The following CFAP46 variants were observed in gnomAD, a reference collection of about 807,000 sequenced individuals.
CFAP46 encodes the protein cilia and flagella associated protein 46, also known as cilia- and flagella-associated protein 46.
In CFAP46, 245 loss-of-function variants were observed where a neutral mutation model predicts 325.7. That is an observed-to-expected ratio of 0.75 (90% CI 0.68 to 0.84). The LOEUF (loss-of-function observed/expected upper bound fraction) is 0.84. Ranked by LOEUF, CFAP46 falls within the 40% of genes least tolerant of loss-of-function variation. The pLI is 0.00. For missense variants in CFAP46, 3,346 were observed against 3,543.0 expected (o/e 0.94, Z 1.41); for synonymous variants, 1,523 against 1,495.9 (o/e 1.02, Z -0.42).
At chr10:132,838,939 G>T (rs910884461) in intron 44 of CFAP46, among the ~76,000 whole-genome samples, 8 of 152,200 alleles carry the variant, frequency 5.3e-5, no homozygotes, top group African/African-American at 1.7e-4. Context: ...GGTTATCTGC[G>T]TCAGGCTTCA....
At position 132,850,559 on chromosome 10, in the gene CFAP46, C is replaced by T. The variant is rs1848521243; in HGVS notation, c.5764-127G>A. Reference sequence around the variant, plus strand: ...GAACACTGGGGAGCTCTGAGAAAGCCTTGCCCCGCAGGGAGGGTCTCCAGG... The same window carrying T: ...GAACACTGGGGAGCTCTGAGAAAGCTTTGCCCCGCAGGGAGGGTCTCCAGG... On this transcript the variant is annotated intron_variant, in intron 40 of 57. Coordinates refer to ENST00000368586, the MANE Select transcript of CFAP46 (RefSeq NM_001200049.3). 1.5e-5 allele frequency: 14 copies of T among 943,820 alleles called. No individual in the cohort carries two copies. The South Asian group carries it at 2.5e-4, about 17-fold the overall frequency. 58.5% of individuals were successfully genotyped at this position (943,820 alleles called of 1,614,324 possible).
chr10:132,815,877 G>C (rs574368663), intron 50 of CFAP46, among the ~76,000 whole-genome samples: 1 of 152,304 alleles, frequency 6.6e-6, no homozygotes, highest in South Asian at 2.1e-4. Flanking sequence ...AGTCTGGGAG[G>C]AGGTAGGCTG....
intron 22 of CFAP46, 154 bp downstream of exon 22, chr10:132,908,314 C>A (rs944676267): frequency 2.3e-6 from 2 of 885,414 alleles, no homozygotes; most frequent in Non-Finnish European, 3.4e-6. Context: ...CGCTCACACG[C>A]GCCCTGATCT....
rs932499585 is a variant in CFAP46 at position 132,919,275 on chromosome 10, G to A, written c.1858+40C>T. On this transcript the variant is annotated intron_variant, in intron 15 of 57. Coordinates refer to ENST00000368586, the MANE Select transcript of CFAP46 (RefSeq NM_001200049.3). The surrounding 1 kb of genome is among the most constrained non-coding windows in gnomAD (Gnocchi z 9.7). ...CCCTTCCCACACCCAGAGGGCGGCC[G>A]TGGCCAGGCTGGGACACACTCGTGA... The A allele has an allele frequency of 2.6e-5, 40 of 1,527,114 alleles. No individual in the cohort carries two copies. The highest frequency in any genetic ancestry group is 1.8e-4 in the Middle Eastern group (1 of 5,462). The allele number at this position is 1,527,114 out of a possible 1,614,324, so 94.6% of individuals were successfully genotyped here.
Position 132,913,050 on chromosome 10 carries a change from T to C in CFAP46, c.2329A>G (p.Ser777Gly). Residue 777 changes from serine (S) to glycine (G), a missense_variant, in exon 18 of 58, where the codon AGT becomes GGT. Transcript: ENST00000368586. Reference protein sequence around the residue: ...LLSIVKATGHSGDPVMLVTLC... With the variant: ...LLSIVKATGHGGDPVMLVTLC... The stretch of plus-strand genomic sequence containing the variant: ...CGCAGCACAGCCCACACGCACCCAC[T>C]GTGGCCTGTGGCCTTAACGATGCTC... The C allele has an allele frequency of 6.5e-7, 1 of 1,549,772 alleles. No individual in the cohort carries two copies. Among genetic ancestry groups the C allele is most frequent in the Non-Finnish European group, 8.7e-7 (1 of 1,146,856 alleles).
chr10:132,898,816 C>G lies in CFAP46; in HGVS notation c.3219+143G>C, dbSNP rs150343597. On this transcript the variant is annotated intron_variant, in intron 24 of 57. Coordinates refer to ENST00000368586, the MANE Select transcript of CFAP46 (RefSeq NM_001200049.3). The stretch of plus-strand genomic sequence containing the variant: ...CTGGGACTTGGAGACCCCCCTTAAC[C>G]CCCTCCCCTCCTCGGCTGGTGCTGG... 1.4e-3 allele frequency: 1,651 copies of G among 1,172,570 alleles called. 26 individuals are homozygous for G. In the African/African-American group the frequency reaches 0.021, roughly 15 times the overall value. 72.6% of individuals were successfully genotyped at this position (1,172,570 alleles called of 1,614,324 possible). A position where few individuals can be genotyped will look rare whatever the true frequency, so the allele number is the denominator to read the frequency against.
intron 57 of CFAP46, among the ~76,000 whole-genome samples, chr10:132,809,997 G>C (rs541385451): frequency 1.3e-5 from 2 of 152,350 alleles, no homozygotes; most frequent in East Asian, 3.9e-4. Flanking sequence ...TGTGGTGCAA[G>C]CTGTCGGCCC....
At chr10:132,874,917 G>A (rs550110655) in intron 31 of CFAP46, among the ~76,000 whole-genome samples, 3 of 152,234 alleles carry the variant, frequency 2.0e-5, no homozygotes, top group Non-Finnish European at 4.4e-5. Flanking sequence ...GTCCTTGCCA[G>A]AATATAAGGC....
chr10:132,898,811 T>A, intron 24 of CFAP46, 148 bp downstream of exon 24: 2 of 1,135,440 alleles, frequency 1.8e-6, no homozygotes, highest in Non-Finnish European at 2.6e-6. Flanking sequence ...GAGACCCCCC[T>A]TAACCCCCTC....
intron 55 of CFAP46, among the ~76,000 whole-genome samples, chr10:132,812,545 A>AG (rs1400643486): frequency 6.6e-6 from 1 of 151,452 alleles, no homozygotes; most frequent in Non-Finnish European, 1.5e-5. Context: ...GAAGGGCGGG[A>AG]GGGCCAGAAG....
rs775162009 is a variant in CFAP46, at chr10:132,866,057, G to A, written c.4858C>T (p.Leu1620=). The change falls in exon 35 of 58, where the codon CTG becomes TTG. Residue 1620 remains leucine (L), a synonymous_variant. Coordinates refer to ENST00000368586, the MANE Select transcript of CFAP46 (RefSeq NM_001200049.3). ...LEMNLYQPAR[L]LLSEAYLAFQ... Reference sequence around the variant, plus strand: ...GCCAGGTAAGCCTCCGACAGGAGCAGCCGTGCAGGCTGGTACAGGTTCATC... The same window carrying A: ...GCCAGGTAAGCCTCCGACAGGAGCAACCGTGCAGGCTGGTACAGGTTCATC... 6.5e-7 allele frequency: 1 copy of A among 1,534,478 alleles called. No individual in the cohort carries two copies. Among genetic ancestry groups the A allele is most frequent in the South Asian group, 1.2e-5 (1 of 81,422 alleles).
In CFAP46 at chr10:132,941,618, C is replaced by T. The variant is rs1277310598; in HGVS notation, c.279G>A (p.Met93Ile). ...GGTTTTCTGCCGACTTCGGGGCACA[C>T]ATCTGGGCCCTGCACAGGTGCGCTC... ...LGRAHLCRAQ[M>I]CAPKSAENLE... The change falls in exon 3 of 58, where the codon ATG becomes ATA. Residue 93 changes from methionine to isoleucine, a missense_variant. Met to Ile is a conservative substitution (Grantham distance 10). Coordinates refer to ENST00000368586, the MANE Select transcript of CFAP46 (RefSeq NM_001200049.3). 6 of 1,613,850 alleles carry T rather than the reference C, an allele frequency of 3.7e-6. No individual in the cohort carries two copies. The highest frequency in any genetic ancestry group is 1.7e-5 in the Admixed American group (1 of 59,992).
intron 33 of CFAP46, among the ~76,000 whole-genome samples, chr10:132,868,597 A>G (rs192563200): frequency 6.6e-6 from 1 of 152,356 alleles, no homozygotes; most frequent in East Asian, 1.9e-4. Flanking sequence ...GTCTGTTTCA[A>G]TGTAACGGCG....
chr10:132,941,829 C>A, intron 2 of CFAP46, 107 bp from the exon 3 acceptor site: 1 of 1,552,722 alleles, frequency 6.4e-7, no homozygotes. Flanking sequence ...ACAGGTGGAG[C>A]CTGTTTCCAG....
intron 56 of CFAP46, 39 bp from the exon 57 acceptor site, chr10:132,810,528 C>G (rs748697193): frequency 1.6e-5 from 26 of 1,589,054 alleles, no homozygotes; most frequent in Non-Finnish European, 2.2e-5. Flanking sequence ...CATGGACACC[C>G]TGGCAGCCTT....
In CFAP46 at chr10:132,816,433, A is replaced by G. The variant is rs191155508; in HGVS notation, c.7118-1519T>C. On this transcript the variant is annotated intron_variant, in intron 50 of 57. Transcript: ENST00000368586. ...TGCAAGCTCCACCTCCCGGGTTCACACCATTCTCCTGCCTCAGCCTCCCGA... is the reference window on the plus strand; with the variant it reads ...TGCAAGCTCCACCTCCCGGGTTCACGCCATTCTCCTGCCTCAGCCTCCCGA... Among the ~76,000 whole-genome samples the G allele has an allele frequency of 2.7e-3, 390 of 144,608 alleles. 5 individuals carry two copies. The East Asian group carries it at 0.063, about 23-fold the overall frequency. 94.9% of individuals were successfully genotyped at this position (144,608 alleles called of 152,430 possible).
intron 39 of CFAP46, among the ~76,000 whole-genome samples, chr10:132,853,792 T>C (rs1848597776): frequency 6.6e-6 from 1 of 152,212 alleles, no homozygotes; most frequent in Non-Finnish European, 1.5e-5. Flanking sequence ...GGCAGACATA[T>C]TAGCATAAAG....
At chr10:132,873,840 T>C (rs575751089) in intron 31 of CFAP46, among the ~76,000 whole-genome samples, 1 of 152,082 alleles carries the variant, frequency 6.6e-6, no homozygotes, top group Admixed American at 6.5e-5. Flanking sequence ...CATTAAAAGG[T>C]AATACAAGGA....
intron 28 of CFAP46, 116 bp from the exon 29 acceptor site, chr10:132,879,747 C>T (rs1020827642): frequency 2.8e-5 from 29 of 1,045,244 alleles, no homozygotes; most frequent in South Asian, 5.5e-5. Context: ...CGCGGACACC[C>T]GGTGCTCCAC....
Sources: allele counts gnomAD v4.1 joint callset (sites outside exome capture counted in the v4.1 genomes callset), GRCh38; gene constraint gnomAD v4.1.1; non-coding constraint Gnocchi (gnomAD v3.1); transcripts MANE v1.5; gene names NCBI Gene and HGNC (gene_info 2026-07-23, HGNC 2026-07-21).